Variants in ZEB1 observed in about 807,000 individuals in gnomAD.
The protein encoded by ZEB1 is zinc finger E-box-binding homeobox 1.
Under a neutral mutation model 84.9 loss-of-function variants are expected in ZEB1, and 21 were observed. The observed-to-expected ratio is 0.25, with a 90% confidence interval of 0.18 to 0.36. The LOEUF (loss-of-function observed/expected upper bound fraction) is 0.36, where lower values mean the gene tolerates loss of function less well. Ranked by LOEUF, ZEB1 falls within the 10% of genes least tolerant of loss-of-function variation. The pLI is 1.00. For missense variants in ZEB1, 1,104 were observed against 1,330.2 expected, an observed-to-expected ratio of 0.83 and a Z score of 2.65; for synonymous variants, 420 against 471.1, an observed-to-expected ratio of 0.89 and a Z score of 1.41.
At chr10:31,340,273 A>C (rs1468361599) in intron 1 of ZEB1, among the ~76,000 whole-genome samples, 1 of 152,034 alleles carries the variant, frequency 6.6e-6, no homozygotes, top group Non-Finnish European at 1.5e-5. Context: ...TTGGTACAGG[A>C]TATATTTTTT....
chr10:31,479,016 C>A (rs1244133621), intron 2 of ZEB1, among the ~76,000 whole-genome samples: 1 of 151,482 alleles, frequency 6.6e-6, no homozygotes, highest in Non-Finnish European at 1.5e-5. Context: ...ATGTGCCCCC[C>A]AAATCTAAAA....
At chr10:31,466,446 C>T (rs76028548) in intron 2 of ZEB1, among the ~76,000 whole-genome samples, 3,138 of 152,104 alleles carry the variant, frequency 0.021, 32 homozygotes, top group Non-Finnish European at 0.033. Flanking sequence ...ACCATAAATC[C>T]GTAACAGGAG....
intron 3 of ZEB1, among the ~76,000 whole-genome samples, chr10:31,501,861 G>A (rs1018680686): frequency 2.6e-5 from 4 of 152,076 alleles, no homozygotes; most frequent in Non-Finnish European, 1.5e-5. Context: ...TTCTTGTACT[G>A]TATTCACCTG....
In ZEB1 at chr10:31,529,532, T is replaced by TCAC; in HGVS notation, c.*2268_*2269insCAC. The TCAC allele has an allele frequency of 6.6e-6, 1 of 152,332 alleles. No homozygotes were observed. 9.4% of individuals were successfully genotyped at this position (152,332 alleles called of 1,614,324 possible). ...GTCATCATACCTCTGATACTATTAT[T>TCAC]TATATTCCTTCCCCACTAGGAACAG... On this transcript the variant is annotated 3_prime_UTR_variant, in exon 9 of 9. Coordinates refer to ENST00000424869, the MANE Select transcript of ZEB1 (RefSeq NM_001174096.2).
intron 1 of ZEB1, among the ~76,000 whole-genome samples, chr10:31,399,444 C>T (rs779381907): frequency 6.6e-6 from 1 of 152,154 alleles, no homozygotes; most frequent in Non-Finnish European, 1.5e-5. Context: ...GTCCTCCTTT[C>T]ATTCCACATA....
intron 6 of ZEB1, among the ~76,000 whole-genome samples, chr10:31,518,878 C>T (rs562793463): frequency 1.3e-5 from 2 of 152,152 alleles, no homozygotes; most frequent in Non-Finnish European, 2.9e-5. Flanking sequence ...ATATATGATT[C>T]TTCAAATAAT....
intron 6 of ZEB1, among the ~76,000 whole-genome samples, chr10:31,518,067 C>A (rs12266681): frequency 6.6e-6 from 1 of 152,008 alleles, no homozygotes; most frequent in South Asian, 2.1e-4. Context: ...ATCTTTCTAG[C>A]GTCTCTAGAA....
rs369265283 is a variant in ZEB1 at position 31,321,521 on chromosome 10, G to A, written c.58+2229G>A. The A allele has an allele frequency of 3.7e-6, 6 of 1,613,850 alleles. No homozygotes were observed. In the African/African-American group the frequency reaches 8.0e-5, roughly 22 times the overall value. ...AGCTGTTGCCGCTGTTGCTGATGTG[G>A]CTTTATGAAAGGTAAGTTGGTTCGG... On this transcript the variant is annotated intron_variant, in intron 1 of 8. Transcript: ENST00000424869.
At chr10:31,390,698 A>G (rs1000617580) in intron 1 of ZEB1, among the ~76,000 whole-genome samples, 4 of 152,156 alleles carry the variant, frequency 2.6e-5, no homozygotes, top group Non-Finnish European at 5.9e-5. Context: ...GTAGTCAAGC[A>G]TGAACACAAA....
At chr10:31,434,136 T>G (rs1408016390) in intron 1 of ZEB1, among the ~76,000 whole-genome samples, 1 of 152,236 alleles carries the variant, frequency 6.6e-6, no homozygotes, top group Non-Finnish European at 1.5e-5. Context: ...TCAGCAATTA[T>G]TTATTAACTA....
chr10:31,431,758 TTCAA>T (rs796430988), intron 1 of ZEB1, among the ~76,000 whole-genome samples: 2 of 152,328 alleles, frequency 1.3e-5, no homozygotes, highest in African/African-American at 4.8e-5. Flanking sequence ...AAACATTACT[TTCAA>T]TCAGATGTAC....
chr10:31,359,127 C>T (rs748030898), intron 1 of ZEB1, among the ~76,000 whole-genome samples: 3 of 152,158 alleles, frequency 2.0e-5, no homozygotes, highest in African/African-American at 4.8e-5. Flanking sequence ...AAATTACCTA[C>T]TGCAGTGCTA....
intron 1 of ZEB1, among the ~76,000 whole-genome samples, chr10:31,442,242 G>C (rs1161893946): frequency 6.6e-6 from 1 of 152,116 alleles, no homozygotes. Context: ...GAAATGATGA[G>C]TTCATGTCCT....
At position 31,319,223 on chromosome 10, in the gene ZEB1, A is replaced by C; in HGVS notation, c.-12A>C. 6.2e-7 allele frequency: 1 copy of C among 1,604,086 alleles called. No individual in the cohort carries two copies. Among genetic ancestry groups the C allele is most frequent in the Non-Finnish European group, 8.5e-7 (1 of 1,176,202 alleles). ...GAGGTGACTCGAGCATTTAGACACA[A>C]GCGAGAGGATCATGGCGGATGGCCC... On this transcript the variant is annotated 5_prime_UTR_variant, in exon 1 of 9. Coordinates refer to ENST00000424869, the MANE Select transcript of ZEB1 (RefSeq NM_001174096.2).
In ZEB1 at chr10:31,520,217, C is replaced by A. The variant is rs766468773; in HGVS notation, c.885C>A (p.Ser295Arg). Residue 295 changes from serine (S) to arginine (R), a missense_variant, in exon 7 of 9, where the codon AGC becomes AGA. By Grantham distance (110) the Ser-to-Arg change is moderately radical. Around this residue, in one of 7 missense-constraint regions of ZEB1, gnomAD observed 111 missense variants for 161.8 expected, o/e 0.69. Transcript: ENST00000424869. This position sits in a 1 kb window ranked among gnomAD's most constrained non-coding sequence, Gnocchi z 5.1. Reference sequence around the variant, plus strand: ...ACATAAGCAGTAAGAAATGTATCAGCTTGATACCTGTGAATGGGCGACCAA... The same window carrying A: ...ACATAAGCAGTAAGAAATGTATCAGATTGATACCTGTGAATGGGCGACCAA... ...SSHISSKKCI[S>R]LIPVNGRPRT... The A allele has an allele frequency of 1.6e-5, 26 of 1,613,864 alleles. No homozygotes were observed. The highest frequency in any genetic ancestry group is 2.2e-5 in the Non-Finnish European group (26 of 1,179,924).
chr10:31,489,055 C>T (rs2066132363), intron 2 of ZEB1, among the ~76,000 whole-genome samples: 1 of 151,118 alleles, frequency 6.6e-6, no homozygotes, highest in South Asian at 2.1e-4. Flanking sequence ...TCAGTTAATG[C>T]AAGAGGAGTA....
At chr10:31,367,390 C>CT (rs1162855557) in intron 1 of ZEB1, among the ~76,000 whole-genome samples, 1 of 151,948 alleles carries the variant, frequency 6.6e-6, no homozygotes, top group Non-Finnish European at 1.5e-5. Flanking sequence ...AGTTGAGATG[C>CT]TTATGAAGGT....
intron 2 of ZEB1, among the ~76,000 whole-genome samples, chr10:31,462,955 G>A (rs1483026960): frequency 2.0e-5 from 3 of 152,072 alleles, no homozygotes; most frequent in African/African-American, 7.2e-5. Flanking sequence ...ATTGGAAAGG[G>A]CTGTTTTTAG....
At chr10:31,351,687 A>G (rs2041341568) in intron 1 of ZEB1, among the ~76,000 whole-genome samples, 1 of 152,146 alleles carries the variant, frequency 6.6e-6, no homozygotes, top group African/African-American at 2.4e-5. Context: ...TCATAAATTA[A>G]CTAATCCTTA....
Sources: allele counts gnomAD v4.1 joint callset (sites outside exome capture counted in the v4.1 genomes callset), GRCh38; gene constraint gnomAD v4.1.1; regional missense constraint gnomAD v4.1.1; non-coding constraint Gnocchi (gnomAD v3.1); transcripts MANE v1.5; gene names NCBI Gene and HGNC (gene_info 2026-07-23, HGNC 2026-07-21).